The following GPHN variants were observed in gnomAD, a reference collection of about 807,000 sequenced individuals.
GPHN encodes the protein gephyrin.
Under a neutral mutation model 95.5 loss-of-function variants are expected in GPHN, and 17 were observed. The ratio of observed to expected loss-of-function variants is 0.18; its 90% CI spans 0.12 to 0.27. The LOEUF (loss-of-function observed/expected upper bound fraction) is 0.27, where lower values mean the gene tolerates loss of function less well. Ranked by LOEUF, GPHN falls within the 10% of genes least tolerant of loss-of-function variation. The probability of loss-of-function intolerance (pLI) is 1.00; values close to 1 mark genes in which losing one functional copy is unlikely to be tolerated. For missense variants in GPHN, 660 were observed against 978.1 expected, an observed-to-expected ratio of 0.67 and a Z score of 4.34; for synonymous variants, 320 against 322.5, an observed-to-expected ratio of 0.99 and a Z score of 0.08.
the GPHN span, among the ~76,000 whole-genome samples, chr14:67,637,115 G>A: frequency 6.6e-6 from 1 of 152,132 alleles, no homozygotes; most frequent in Non-Finnish European, 1.5e-5. Flanking sequence ...CTCTGATAAA[G>A]AAATAGCTTT....
chr14:66,780,693 A>C (rs948299810), intron 3 of GPHN, among the ~76,000 whole-genome samples: 7 of 152,158 alleles, frequency 4.6e-5, no homozygotes, highest in African/African-American at 1.7e-4. Flanking sequence ...TGAGGCATTA[A>C]AAAAATGAGG....
chr14:67,502,528 C>T, the GPHN span, among the ~76,000 whole-genome samples: 1 of 146,866 alleles, frequency 6.8e-6, no homozygotes, highest in Non-Finnish European at 1.5e-5. Context: ...TCTCAGCTCA[C>T]TGCAACCTCC....
chr14:66,788,178 G>A (rs948932572), intron 3 of GPHN, among the ~76,000 whole-genome samples: 3 of 152,040 alleles, frequency 2.0e-5, no homozygotes, highest in Non-Finnish European at 4.4e-5. Context: ...ACATGGTGGC[G>A]GGCACCTGTA....
At chr14:67,549,995 G>A in the GPHN span, among the ~76,000 whole-genome samples, 2 of 152,168 alleles carry the variant, frequency 1.3e-5, no homozygotes, top group Non-Finnish European at 2.9e-5. Context: ...TCTTTCTAGT[G>A]GATCCCTGGA....
chr14:66,868,859 T>C lies in GPHN; in HGVS notation c.295-11080T>C, dbSNP rs115057311. ...ACAGCTTAGCAGTCTTTGAAGCGTC[T>C]TTCTGACTTTAATGTTGTCCTCAAA... is the stretch of plus-strand genomic sequence containing the variant. On this transcript the variant is annotated intron_variant, in intron 4 of 22. Coordinates refer to ENST00000478722, the MANE Select transcript of GPHN (RefSeq NM_020806.5). Among the ~76,000 whole-genome samples the C allele has an allele frequency of 7.0e-3, 1,073 of 152,296 alleles. 5 individuals are homozygous for C. The highest frequency in any genetic ancestry group is 0.025 in the African/African-American group (1,025 of 41,556).
chr14:66,978,904 T>G (rs1381188690), intron 9 of GPHN, among the ~76,000 whole-genome samples: 2 of 152,144 alleles, frequency 1.3e-5, no homozygotes, highest in Non-Finnish European at 2.9e-5. Flanking sequence ...GGGTGAAGAG[T>G]GGATGTTGTA....
the GPHN span, among the ~76,000 whole-genome samples, chr14:67,529,418 T>C: frequency 2.2e-4 from 34 of 152,322 alleles, no homozygotes; most frequent in Admixed American, 4.6e-4. Context: ...CTTTCCTTCC[T>C]AGCACAGTGG....
the GPHN span, chr14:67,390,881 G>A: frequency 1.4e-6 from 1 of 735,438 alleles, no homozygotes; most frequent in Middle Eastern, 2.4e-4. Context: ...CAGTCCACAG[G>A]AAACCTGAGG....
chr14:67,712,420 C>T, the GPHN span, among the ~76,000 whole-genome samples: 1 of 149,204 alleles, frequency 6.7e-6, no homozygotes, highest in South Asian at 2.1e-4. Flanking sequence ...CCTTAAAAAT[C>T]CCAGAGTGGC....
Position 67,113,047 on chromosome 14 carries a change from A to T in GPHN, c.1502A>T (p.Glu501Val), listed in dbSNP as rs764880092. Residue 501 changes from glutamate to valine, a missense_variant, in exon 16 of 23, where the codon GAA becomes GTA. By Grantham distance (121) the Glu-to-Val change is moderately radical. Around this residue, in one of 6 missense-constraint regions of GPHN, gnomAD observed 257 missense variants for 376.2 expected, o/e 0.68. Coordinates refer to ENST00000478722, the MANE Select transcript of GPHN (RefSeq NM_020806.5). The stretch of plus-strand genomic sequence containing the variant: ...ATCGGCCATGACATTAAAAGAGGGG[A>T]ATGTGTTTTGGCCAAAGGAACCCAC... ...RPIGHDIKRG[E>V]CVLAKGTHMG... The T allele has an allele frequency of 1.2e-6, 2 of 1,613,798 alleles. No homozygotes were observed. The highest frequency in any genetic ancestry group is 1.7e-6 in the Non-Finnish European group (2 of 1,179,762).
the GPHN span, among the ~76,000 whole-genome samples, chr14:67,348,255 G>A: frequency 6.6e-6 from 1 of 151,764 alleles, no homozygotes; most frequent in African/African-American, 2.4e-5. Context: ...TGTATTTTTA[G>A]TAGAGACAGG....
intron 21 of GPHN, among the ~76,000 whole-genome samples, chr14:67,178,465 C>G (rs1024399463): frequency 2.0e-5 from 3 of 152,120 alleles, no homozygotes; most frequent in African/African-American, 7.2e-5. Context: ...TGTGGGTAAT[C>G]CGACCTTTCT....
chr14:67,574,266 T>C, the GPHN span: 5 of 1,607,948 alleles, frequency 3.1e-6, no homozygotes, highest in Admixed American at 6.8e-5. This position sits in a 1 kb window ranked among gnomAD's most constrained non-coding sequence, Gnocchi z 4.2. Flanking sequence ...GAAAACCTAC[T>C]ACCTGACGGC....
intron 9 of GPHN, among the ~76,000 whole-genome samples, chr14:67,015,487 A>T (rs994779263): frequency 2.6e-5 from 4 of 152,180 alleles, no homozygotes; most frequent in African/African-American, 9.7e-5. Flanking sequence ...TCATGAGGTC[A>T]GGAGTTTGAG....
chr14:67,619,023 C>T, the GPHN span, among the ~76,000 whole-genome samples: 4,697 of 152,214 alleles, frequency 0.031, 220 homozygotes, highest in African/African-American at 0.1. Flanking sequence ...TGGTTAAGAA[C>T]TTGGAATGTG....
intron 8 of GPHN, among the ~76,000 whole-genome samples, chr14:66,951,090 A>C (rs1284101730): frequency 6.6e-6 from 1 of 151,976 alleles, no homozygotes; most frequent in Non-Finnish European, 1.5e-5. Context: ...ATGCCCAGCT[A>C]ATTTTTTGTA....
intron 1 of GPHN, among the ~76,000 whole-genome samples, chr14:66,598,058 A>AT: frequency 6.6e-6 from 1 of 152,322 alleles, no homozygotes; most frequent in East Asian, 1.9e-4. Context: ...GATCTTACTT[A>AT]TTATAAGTGT....
At chr14:67,095,714 A>C (rs1171297285) in intron 12 of GPHN, among the ~76,000 whole-genome samples, 1 of 151,860 alleles carries the variant, frequency 6.6e-6, no homozygotes, top group Non-Finnish European at 1.5e-5. Context: ...TCACTCATAG[A>C]TGGGAATTGA....
At chr14:67,143,218 C>A in intron 17 of GPHN, 144 bp from the exon 18 acceptor site, 1 of 693,686 alleles carries the variant, frequency 1.4e-6, no homozygotes, top group Non-Finnish European at 2.7e-6. Context: ...AGGCAGAGAC[C>A]CTTTTGATTC....
Sources: allele counts gnomAD v4.1 joint callset (sites outside exome capture counted in the v4.1 genomes callset), GRCh38; gene constraint gnomAD v4.1.1; regional missense constraint gnomAD v4.1.1; non-coding constraint Gnocchi (gnomAD v3.1); transcripts MANE v1.5; gene names NCBI Gene and HGNC (gene_info 2026-07-23, HGNC 2026-07-21).